The following CYP4F11 variants were observed in gnomAD, a reference collection of about 807,000 sequenced individuals.
CYP4F11 encodes cytochrome P450 family 4 subfamily F member 11.
In CYP4F11, 79 loss-of-function variants were observed where a neutral mutation model predicts 62.2. That is an observed-to-expected ratio of 1.27 (90% CI 1.06 to 1.53). The LOEUF (loss-of-function observed/expected upper bound fraction) is 1.53, where lower values mean the gene tolerates loss of function less well. CYP4F11 is among the 40% of genes most tolerant of loss of function. The probability of loss-of-function intolerance (pLI) is 0.00; values close to 1 mark genes in which losing one functional copy is unlikely to be tolerated. For synonymous variants in CYP4F11, 290 were observed against 263.7 expected (o/e 1.10, Z -0.97); for missense variants, 777 against 680.5 (o/e 1.14, Z -1.58).
chr19:15,925,692 A>G (rs1224963014), intron 4 of CYP4F11, among the ~76,000 whole-genome samples: 6 of 145,204 alleles, frequency 4.1e-5, no homozygotes, highest in African/African-American at 1.0e-4. Context: ...GTGTGTGTGT[A>G]TATATATATA....
intron 8 of CYP4F11, among the ~76,000 whole-genome samples, chr19:15,916,321 G>C (rs7253051): frequency 0.39 from 59,483 of 151,860 alleles, 12,864 homozygotes; most frequent in Non-Finnish European, 0.48. Context: ...AAAGAGCTAG[G>C]TCAATCTGAA....
chr19:15,934,202 C>T lies in CYP4F11; in HGVS notation c.198+9G>A. The T allele has an allele frequency of 6.2e-7, 1 of 1,613,176 alleles. No individual in the cohort carries two copies. Among genetic ancestry groups the T allele is most frequent in the Non-Finnish European group, 8.5e-7 (1 of 1,179,470 alleles). ...TGAGACCCCAGACCCGTCCTGCTGACAAACTCACCAGGCCCTGGTGTCCCC... is the reference window on the plus strand; with the variant it reads ...TGAGACCCCAGACCCGTCCTGCTGATAAACTCACCAGGCCCTGGTGTCCCC... On this transcript the variant is annotated intron_variant, in intron 1 of 11. Coordinates refer to ENST00000402119, the MANE Select transcript of CYP4F11 (RefSeq NM_021187.4).
chr19:15,923,692 G>A, intron 6 of CYP4F11, 120 bp downstream of exon 6: 2 of 1,376,330 alleles, frequency 1.5e-6, no homozygotes, highest in East Asian at 2.3e-5. Flanking sequence ...TCTCTGACCT[G>A]TCTTTTTCAA....
intron 4 of CYP4F11, among the ~76,000 whole-genome samples, chr19:15,926,041 A>G (rs1451850743): frequency 7.2e-5 from 11 of 151,766 alleles, no homozygotes; most frequent in African/African-American, 2.7e-4. Context: ...ATGGGCGCCT[A>G]TAGTCCCAGC....
chr19:15,934,500 C>A lies in CYP4F11; in HGVS notation c.-92G>T. On this transcript the variant is annotated 5_prime_UTR_variant, in exon 1 of 12. Coordinates refer to ENST00000402119, the MANE Select transcript of CYP4F11 (RefSeq NM_021187.4). ...GACAGTGGAAAGGGGCAAGGATGGGCAGTGCTGGAGGCAGATCAGGGAAGG... is the reference window on the plus strand; with the variant it reads ...GACAGTGGAAAGGGGCAAGGATGGGAAGTGCTGGAGGCAGATCAGGGAAGG... 1.4e-6 allele frequency: 2 copies of A among 1,458,040 alleles called. No homozygotes were observed. The highest frequency in any genetic ancestry group is 9.2e-7 in the Non-Finnish European group (1 of 1,084,446). The allele number at this position is 1,458,040 out of a possible 1,614,324, so 90.3% of individuals were successfully genotyped here.
intron 1 of CYP4F11, 127 bp from the exon 2 acceptor site, chr19:15,929,728 T>C: frequency 6.4e-6 from 7 of 1,093,370 alleles, no homozygotes; most frequent in South Asian, 3.2e-5. Flanking sequence ...ACATTATTTC[T>C]GGATGTGTCC....
chr19:15,927,684 T>C (rs1568484871), intron 2 of CYP4F11: 1 of 630,062 alleles, frequency 1.6e-6, no homozygotes, highest in Non-Finnish European at 2.8e-6. Flanking sequence ...AGTAGAGCAA[T>C]AACACAGCAT....
chr19:15,913,778 C>T lies in CYP4F11; in HGVS notation c.1529G>A (p.Gly510Asp). The T allele has an allele frequency of 6.2e-7, 1 of 1,614,186 alleles. No homozygotes were observed. Among genetic ancestry groups the T allele is most frequent in the Non-Finnish European group, 8.5e-7 (1 of 1,180,016 alleles). Residue 510 changes from glycine (G) to aspartate (D), a missense_variant, in exon 12 of 12, where the codon GGT becomes GAT. Physicochemically the swap from Gly to Asp is moderately conservative, Grantham distance 94. Coordinates refer to ENST00000402119, the MANE Select transcript of CYP4F11 (RefSeq NM_021187.4). ...RKPELILRAE[G>D]GLWLRVEPLG... ...GGGCTCCACCCGCAGCCAAAGTCCA[C>T]CCTCTGCGCGCAATATCAGCTCGGG...
chr19:15,923,660 A>G (rs1483656631), intron 6 of CYP4F11, 152 bp downstream of exon 6: 2 of 1,099,102 alleles, frequency 1.8e-6, no homozygotes, highest in Non-Finnish European at 1.3e-6. Context: ...GCTGAATTCC[A>G]CAGAGTCATC....
chr19:15,919,481 TA>T (rs1007103553), intron 8 of CYP4F11, among the ~76,000 whole-genome samples: 4 of 104,374 alleles, frequency 3.8e-5, no homozygotes, highest in South Asian at 4.4e-4. Context: ...TATAGATAGA[TA>T]GATAGATAGA....
intron 8 of CYP4F11, among the ~76,000 whole-genome samples, chr19:15,917,907 A>ACCATTTGACCCAGAAATC (rs1471699420): frequency 1.3e-5 from 2 of 152,186 alleles, no homozygotes; most frequent in African/African-American, 4.8e-5. Flanking sequence ...GGGCAGAAAT[A>ACCATTTGACCCAGAAATC]CCATTTGACC....
In CYP4F11 at chr19:15,912,771, G is replaced by GTGTGTA. The variant is rs1555776620; in HGVS notation, c.*960_*961insTACACA. The GTGTGTA allele has an allele frequency of 3.4e-3, 96 of 28,084 alleles. 11 individuals carry two copies. The highest frequency in any genetic ancestry group is 0.012 in the African/African-American group (94 of 7,774). The allele number at this position is 28,084 out of a possible 1,614,324, so 1.7% of individuals were successfully genotyped here. On this transcript the variant is annotated 3_prime_UTR_variant, in exon 12 of 12. Coordinates refer to ENST00000402119, the MANE Select transcript of CYP4F11 (RefSeq NM_021187.4). ...TGTGTGTGTGTGTGTGTGTGTGTGT[G>GTGTGTA]TATATATATATATATATAATATATA... is the stretch of plus-strand genomic sequence containing the variant.
chr19:15,929,652 T>C (rs758079655), intron 1 of CYP4F11, 51 bp from the exon 2 acceptor site: 2 of 1,525,908 alleles, frequency 1.3e-6, no homozygotes, highest in Admixed American at 2.1e-5. Context: ...ATTCTAGGCA[T>C]CCTGAATTAA....
At chr19:15,931,591 AAT>A (rs1244218170) in intron 1 of CYP4F11, among the ~76,000 whole-genome samples, 34 of 118,798 alleles carry the variant, frequency 2.9e-4, no homozygotes, top group Non-Finnish European at 5.1e-4. Flanking sequence ...CGAGGAGAGG[AAT>A]GAGTGAGTGA....
At chr19:15,914,092 A>AC (rs2145034744) in intron 11 of CYP4F11, among the ~76,000 whole-genome samples, 183 bp from the exon 12 acceptor site, 1 of 151,814 alleles carries the variant, frequency 6.6e-6, no homozygotes, top group Non-Finnish European at 1.5e-5. Flanking sequence ...CCAGGCTCCT[A>AC]CCCCCAGTTC....
At chr19:15,926,789 C>T (rs2089671382) in intron 4 of CYP4F11, among the ~76,000 whole-genome samples, 1 of 152,194 alleles carries the variant, frequency 6.6e-6, no homozygotes, top group Non-Finnish European at 1.5e-5. Flanking sequence ...CAAAGCTGCC[C>T]ACATGACCCA....
At position 15,922,158 on chromosome 19, in the gene CYP4F11, T is replaced by C. The variant is rs752534712; in HGVS notation, c.994A>G (p.Thr332Ala). 24 of 1,609,582 alleles carry C rather than the reference T, an allele frequency of 1.5e-5. No individual in the cohort carries two copies. The highest frequency in any genetic ancestry group is 2.0e-5 in the Non-Finnish European group (24 of 1,178,426). Residue 332 changes from threonine (T) to alanine (A), a missense_variant, in exon 8 of 12, where the codon ACT (threonine) becomes GCT (alanine). By Grantham distance (58) the Thr-to-Ala change is moderately conservative (BLOSUM62 0). Coordinates refer to ENST00000402119, the MANE Select transcript of CYP4F11 (RefSeq NM_021187.4). ...ADTFMFEGHDTTASGLSWVLY... is the reference protein window; with the variant it reads ...ADTFMFEGHDATASGLSWVLY... ...ACCCAGGAGAGACCACTGGCTGTAG[T>C]GTCATGGCCTGAGGGGCAGCCAAGC...
chr19:15,922,377 G>C lies in CYP4F11; in HGVS notation c.972C>G (p.Thr324=). The change falls in exon 7 of 12, where the codon ACC becomes ACG. Residue 324 remains threonine (T), a synonymous_variant. Coordinates refer to ENST00000402119, the MANE Select transcript of CYP4F11 (RefSeq NM_021187.4). ...TGAGACCCTCACCCTCAAACATGAAGGTGTCAGCTTCTGCTCTTATGTCCT... is the reference window on the plus strand; with the variant it reads ...TGAGACCCTCACCCTCAAACATGAACGTGTCAGCTTCTGCTCTTATGTCCT... ...SDEDIRAEAD[T]FMFEGHDTTA... 6.2e-7 allele frequency: 1 copy of C among 1,614,106 alleles called. No individual in the cohort carries two copies. Among genetic ancestry groups the C allele is most frequent in the Middle Eastern group, 1.6e-4 (1 of 6,062 alleles).
At position 15,914,842 on chromosome 19, in the gene CYP4F11, C is replaced by A. The variant is rs201684723; in HGVS notation, c.1169G>T (p.Arg390Leu). The A allele has an allele frequency of 1.2e-6, 2 of 1,614,104 alleles. No homozygotes were observed. The highest frequency in any genetic ancestry group is 2.2e-5 in the South Asian group (2 of 91,082). The change falls in exon 9 of 12, where the codon CGG becomes CTG. Residue 390 changes from arginine to leucine, a missense_variant. Arg to Leu is a moderately radical substitution (Grantham distance 102). Transcript: ENST00000402119. ...GATGACCGGGACTGGGGGATGCAAC[C>A]GCAGGCTCTCCTTAATGCACATGGT... is the stretch of plus-strand genomic sequence containing the variant. ...FLTMCIKESLRLHPPVPVISR... is the reference protein window; with the variant it reads ...FLTMCIKESLLLHPPVPVISR...
Sources: allele counts gnomAD v4.1 joint callset (sites outside exome capture counted in the v4.1 genomes callset), GRCh38; gene constraint gnomAD v4.1.1; transcripts MANE v1.5; gene names NCBI Gene and HGNC (gene_info 2026-07-23, HGNC 2026-07-21).